Variants in GRK5 observed in about 807,000 individuals in gnomAD.
GRK5 encodes G protein-coupled receptor kinase 5.
GRK5 carries 40 observed loss-of-function variants against 78.4 expected under a neutral mutation model. That is an observed-to-expected ratio of 0.51 (90% CI 0.40 to 0.66). The LOEUF is 0.66. GRK5 is among the 30% of genes least tolerant of loss of function. The pLI is 0.00. For synonymous variants in GRK5, 289 were observed against 296.8 expected, an observed-to-expected ratio of 0.97 and a Z score of 0.27; for missense variants, 598 against 759.9, an observed-to-expected ratio of 0.79 and a Z score of 2.50.
intron 1 of GRK5, among the ~76,000 whole-genome samples, chr10:119,277,913 G>A (rs1365226126): frequency 4.6e-5 from 7 of 152,158 alleles, no homozygotes; most frequent in South Asian, 2.1e-4. Flanking sequence ...CACTGTTGGC[G>A]TATCAGTAGT....
At chr10:119,283,530 G>A (rs889909312) in intron 1 of GRK5, among the ~76,000 whole-genome samples, 4 of 152,200 alleles carry the variant, frequency 2.6e-5, no homozygotes, top group Non-Finnish European at 4.4e-5. Flanking sequence ...CTTCAGGAAC[G>A]CCTGCCCGTG....
intron 3 of GRK5, among the ~76,000 whole-genome samples, chr10:119,395,900 A>T (rs1264377730): frequency 6.6e-6 from 1 of 152,046 alleles, no homozygotes; most frequent in East Asian, 1.9e-4. Flanking sequence ...CGGGATCTCC[A>T]CCTACAGACG....
intron 1 of GRK5, among the ~76,000 whole-genome samples, chr10:119,254,343 G>A (rs1223135867): frequency 6.6e-6 from 1 of 152,076 alleles, no homozygotes; most frequent in African/African-American, 2.4e-5. Flanking sequence ...GTTCTGTTCT[G>A]CCCTACTTTA....
chr10:119,363,831 G>A lies in GRK5; in HGVS notation c.149-16984G>A, dbSNP rs763384233. On this transcript the variant is annotated intron_variant, in intron 2 of 15. Coordinates refer to ENST00000392870, the MANE Select transcript of GRK5 (RefSeq NM_005308.3). ...CTAGCCACCCCTAGCTGCAGAGGTGGCAGGGAAGTCTTTCTTTTGGAGCTA... is the reference window on the plus strand; with the variant it reads ...CTAGCCACCCCTAGCTGCAGAGGTGACAGGGAAGTCTTTCTTTTGGAGCTA... 9.2e-5 allele frequency among the ~76,000 whole-genome samples: 14 copies of A among 152,326 alleles called. No individual in the cohort carries two copies. The Middle Eastern group carries it at 0.017, about 185-fold the overall frequency.
Position 119,207,608 on chromosome 10 carries a change from G to C in GRK5, c.-310G>C. On this transcript the variant is annotated 5_prime_UTR_variant, in exon 1 of 16. Coordinates refer to ENST00000392870, the MANE Select transcript of GRK5 (RefSeq NM_005308.3). ...GGCATTAAAGCATCCGAGGGAGCCGGAGGGGAGGAGAATGGAGTGACAGAG... is the reference window on the plus strand; with the variant it reads ...GGCATTAAAGCATCCGAGGGAGCCGCAGGGGAGGAGAATGGAGTGACAGAG... The C allele has an allele frequency of 3.2e-6, 1 of 315,236 alleles. No homozygotes were observed. The highest frequency in any genetic ancestry group is 2.9e-5 in the South Asian group (1 of 34,840). The allele number at this position is 315,236 out of a possible 1,614,324, so 19.5% of individuals were successfully genotyped here.
intron 1 of GRK5, among the ~76,000 whole-genome samples, chr10:119,232,101 A>G (rs1265058128): frequency 6.6e-6 from 1 of 152,246 alleles, no homozygotes; most frequent in South Asian, 2.1e-4. Context: ...CAACAGATGA[A>G]TGGATAAAGA....
intron 2 of GRK5, among the ~76,000 whole-genome samples, chr10:119,338,862 A>C (rs1850937327): frequency 6.6e-6 from 1 of 152,252 alleles, no homozygotes; most frequent in South Asian, 2.1e-4. Context: ...TCTCATAACT[A>C]TCACATGTAT....
At chr10:119,403,702 C>T (rs1428470494) in intron 4 of GRK5, among the ~76,000 whole-genome samples, 4 of 152,036 alleles carry the variant, frequency 2.6e-5, no homozygotes, top group Non-Finnish European at 5.9e-5. Flanking sequence ...GGCGGGATCT[C>T]GGCTCACTGT....
intron 2 of GRK5, among the ~76,000 whole-genome samples, chr10:119,335,171 T>TCTCTCTCTCTCTCTCTCTCTCC (rs1564895394): frequency 1.6e-5 from 2 of 126,968 alleles, no homozygotes; most frequent in African/African-American, 6.7e-5. Flanking sequence ...TCTCTCTCTC[T>TCTCTCTCTCTCTCTCTCTCTCC]CTCTCCCCCT....
At chr10:119,316,662 A>G (rs1484254339) in intron 1 of GRK5, among the ~76,000 whole-genome samples, 2 of 152,228 alleles carry the variant, frequency 1.3e-5, no homozygotes, top group African/African-American at 2.4e-5. Flanking sequence ...AACCCTTGAC[A>G]GGGAGAGGTG....
In GRK5 at chr10:119,455,196, C is replaced by A. The variant is rs566406946; in HGVS notation, c.*129C>A. The A allele has an allele frequency of 2.6e-6, 2 of 781,074 alleles. No individual in the cohort carries two copies. Among genetic ancestry groups the A allele is most frequent in the East Asian group, 2.6e-5 (1 of 38,506 alleles). The allele number at this position is 781,074 out of a possible 1,614,324, so 48.4% of individuals were successfully genotyped here. A position where few individuals can be genotyped will look rare whatever the true frequency, so the allele number is the denominator to read the frequency against. On this transcript the variant is annotated 3_prime_UTR_variant, in exon 16 of 16. Transcript: ENST00000392870. ...CCCGGGAGCCGGGGAAGGAGGCCGT[C>A]CATCCCGTCGACGTAGAACCTCGAG...
At chr10:119,266,165 A>G (rs1849492923) in intron 1 of GRK5, among the ~76,000 whole-genome samples, 1 of 152,172 alleles carries the variant, frequency 6.6e-6, no homozygotes. Flanking sequence ...TTTAGGAACG[A>G]TGCTGGCTGG....
intron 13 of GRK5, among the ~76,000 whole-genome samples, chr10:119,451,341 G>A (rs1004273716): frequency 6.6e-6 from 1 of 151,948 alleles, no homozygotes. Context: ...GTAACTTTCT[G>A]TTCCATTACA....
intron 3 of GRK5, among the ~76,000 whole-genome samples, chr10:119,389,794 C>G (rs976086477): frequency 1.2e-4 from 17 of 139,974 alleles, no homozygotes; most frequent in Non-Finnish European, 2.4e-4. Flanking sequence ...ACCCAGAGAT[C>G]ATGAGCAACA....
intron 2 of GRK5, among the ~76,000 whole-genome samples, chr10:119,373,744 C>T (rs1051248360): frequency 5.3e-5 from 8 of 152,262 alleles, no homozygotes; most frequent in Admixed American, 3.3e-4. Flanking sequence ...ACAGGAAGTT[C>T]GCACATGCTG....
intron 4 of GRK5, among the ~76,000 whole-genome samples, chr10:119,411,299 G>A (rs1293127397): frequency 6.6e-6 from 1 of 152,150 alleles, no homozygotes; most frequent in African/African-American, 2.4e-5. Context: ...GTGGATGCTG[G>A]TTACTTCTGA....
At chr10:119,266,956 T>C (rs1849507985) in intron 1 of GRK5, among the ~76,000 whole-genome samples, 1 of 152,080 alleles carries the variant, frequency 6.6e-6, no homozygotes, top group African/African-American at 2.4e-5. Flanking sequence ...AAAATTATTT[T>C]TGTAGGGCTG....
chr10:119,445,129 A>G lies in GRK5; in HGVS notation c.1266+1377A>G, dbSNP rs1853117638. On this transcript the variant is annotated intron_variant, in intron 12 of 15. Coordinates refer to ENST00000392870, the MANE Select transcript of GRK5 (RefSeq NM_005308.3). The surrounding 1 kb of genome is among the most constrained non-coding windows in gnomAD (Gnocchi z 4.1). ...GCCCGCCATGCAGCTGGGGCCTCAG[A>G]GAAAGCCACATGGTCATCGCAGCCA... Among the ~76,000 whole-genome samples the G allele has an allele frequency of 6.6e-6, 1 of 152,150 alleles. No individual in the cohort carries two copies. The highest frequency in any genetic ancestry group is 2.4e-5 in the African/African-American group (1 of 41,440).
chr10:119,383,056 G>A (rs1851739064), intron 3 of GRK5, among the ~76,000 whole-genome samples: 1 of 151,928 alleles, frequency 6.6e-6, no homozygotes, highest in African/African-American at 2.4e-5. Flanking sequence ...CGAGTAGCTG[G>A]GCCTACAGGC....
Sources: allele counts gnomAD v4.1 joint callset (sites outside exome capture counted in the v4.1 genomes callset), GRCh38; gene constraint gnomAD v4.1.1; non-coding constraint Gnocchi (gnomAD v3.1); transcripts MANE v1.5; gene names NCBI Gene and HGNC (gene_info 2026-07-23, HGNC 2026-07-21).